Variants in USP32 observed in about 807,000 individuals in gnomAD.
USP32 encodes the protein ubiquitin carboxyl-terminal hydrolase 32.
USP32 carries 59 observed loss-of-function variants against 204.8 expected under a neutral mutation model. The ratio of observed to expected loss-of-function variants is 0.29; its 90% CI spans 0.23 to 0.36. USP32 has a LOEUF of 0.36. Ranked by LOEUF, USP32 falls within the 10% of genes least tolerant of loss-of-function variation. USP32 has a pLI of 1.00. For synonymous variants in USP32, 517 were observed against 678.4 expected (o/e 0.76, Z 3.70); for missense variants, 1,160 against 1,946.4 (o/e 0.60, Z 7.60).
intron 1 of USP32, chr17:60,421,638 C>T (rs990830962): frequency 6.2e-6 from 6 of 964,630 alleles, no homozygotes; most frequent in Admixed American, 6.2e-5. Flanking sequence ...GTGTGCCGCC[C>T]AGGGACGCGA....
At chr17:60,345,394 T>C (rs932694620) in intron 2 of USP32, 87 bp downstream of exon 2, 3 of 1,533,380 alleles carry the variant, frequency 2.0e-6, no homozygotes, top group Admixed American at 2.2e-5. Flanking sequence ...TAAGATTAAA[T>C]CTGTTAAGAG....
chr17:60,220,828 T>C (rs1256868962), intron 15 of USP32, among the ~76,000 whole-genome samples: 2 of 152,070 alleles, frequency 1.3e-5, no homozygotes, highest in Admixed American at 6.5e-5. Flanking sequence ...TTTGTATTTT[T>C]AGTAGAGACA....
At chr17:60,354,448 T>C (rs1263590348) in intron 1 of USP32, among the ~76,000 whole-genome samples, 10 of 152,106 alleles carry the variant, frequency 6.6e-5, no homozygotes, top group Non-Finnish European at 1.5e-4. Context: ...TTGGGAAATA[T>C]GCCTTTCACT....
At chr17:60,359,605 G>A (rs539426196) in intron 1 of USP32, among the ~76,000 whole-genome samples, 9 of 152,084 alleles carry the variant, frequency 5.9e-5, no homozygotes, top group Admixed American at 3.9e-4. Context: ...GAGCCCAGGA[G>A]TTTGAGACCA....
chr17:60,295,491 C>T (rs555755198), intron 3 of USP32, among the ~76,000 whole-genome samples: 33 of 152,248 alleles, frequency 2.2e-4, no homozygotes, highest in Non-Finnish European at 4.4e-4. Context: ...TGGAAATTTC[C>T]AGAAATGAAC....
At chr17:60,350,708 C>A (rs1197703183) in intron 1 of USP32, among the ~76,000 whole-genome samples, 1 of 152,178 alleles carries the variant, frequency 6.6e-6, no homozygotes, top group Non-Finnish European at 1.5e-5. Flanking sequence ...CTCCCTCTAT[C>A]CCTCTCTCAG....
At chr17:60,406,156 CAAA>C (rs35763642) in intron 1 of USP32, among the ~76,000 whole-genome samples, 27 of 45,234 alleles carry the variant, frequency 6.0e-4, no homozygotes, top group African/African-American at 1.6e-3. Context: ...GACCTTGTCT[CAAA>C]AAAAAAAAAA....
At chr17:60,416,929 T>C (rs1374508148) in intron 1 of USP32, among the ~76,000 whole-genome samples, 1 of 151,876 alleles carries the variant, frequency 6.6e-6, no homozygotes, top group East Asian at 1.9e-4. Flanking sequence ...CCTTTTTTTT[T>C]TTTTTTGAGA....
chr17:60,392,453 T>G (rs1254845977), upstream of USP32: 1 of 223,568 alleles, frequency 4.5e-6, no homozygotes, highest in Non-Finnish European at 9.4e-6. Context: ...CGACGGGGGG[T>G]GGTGACTTCC....
chr17:60,275,498 T>C (rs939181371), intron 5 of USP32, among the ~76,000 whole-genome samples: 2 of 152,078 alleles, frequency 1.3e-5, no homozygotes, highest in Admixed American at 1.3e-4. Context: ...TGAGCTGTTT[T>C]ATACATACAT....
intron 7 of USP32, among the ~76,000 whole-genome samples, chr17:60,268,091 G>A (rs980322210): frequency 1.3e-5 from 2 of 152,242 alleles, no homozygotes; most frequent in South Asian, 2.1e-4. Flanking sequence ...GATTACAGGC[G>A]TGAGCAACCA....
At chr17:60,205,406 A>G (rs776918226) in intron 26 of USP32, 41 bp downstream of exon 26, 2 of 1,597,540 alleles carry the variant, frequency 1.3e-6, no homozygotes, top group East Asian at 4.5e-5. Flanking sequence ...CACAAATGAC[A>G]CTAGCAAGAC....
intron 1 of USP32, among the ~76,000 whole-genome samples, chr17:60,410,819 G>C (rs575220350): frequency 1.2e-3 from 182 of 151,886 alleles, no homozygotes; most frequent in African/African-American, 3.4e-3. Context: ...GGTGGCTCAC[G>C]CCTATAATCT....
intron 11 of USP32, among the ~76,000 whole-genome samples, chr17:60,242,303 CA>C (rs1192157276): frequency 6.6e-6 from 1 of 151,954 alleles, no homozygotes; most frequent in Non-Finnish European, 1.5e-5. Flanking sequence ...CCTCCTGGAC[CA>C]TTTTTTTTTC....
intron 7 of USP32, among the ~76,000 whole-genome samples, chr17:60,266,532 A>G (rs1227028719): frequency 6.6e-6 from 1 of 152,138 alleles, no homozygotes; most frequent in Admixed American, 6.6e-5. Flanking sequence ...TCTGTCGCCC[A>G]GGCTAGAGTG....
chr17:60,403,267 C>T (rs1028590186), intron 1 of USP32, among the ~76,000 whole-genome samples: 16 of 152,190 alleles, frequency 1.1e-4, no homozygotes, highest in Admixed American at 4.6e-4. Flanking sequence ...CTGCCGGCCT[C>T]GGCCTCCCAA....
chr17:60,360,714 C>G (rs1170771734), intron 1 of USP32, among the ~76,000 whole-genome samples: 1 of 151,932 alleles, frequency 6.6e-6, no homozygotes, highest in African/African-American at 2.4e-5. Context: ...ATACAAAATA[C>G]ATGCAGAAGT....
chr17:60,353,377 G>C (rs1447267052), intron 1 of USP32, among the ~76,000 whole-genome samples: 1 of 152,146 alleles, frequency 6.6e-6, no homozygotes, highest in Admixed American at 6.5e-5. Flanking sequence ...TTGGTATTTT[G>C]TGATGGTAGC....
At chr17:60,386,245 A>C (rs940924570) in intron 1 of USP32, among the ~76,000 whole-genome samples, 4 of 152,184 alleles carry the variant, frequency 2.6e-5, no homozygotes, top group Non-Finnish European at 5.9e-5. Flanking sequence ...CAAAAGCAGA[A>C]GCATAAACAA....
Sources: gnomAD v4.1 joint callset for allele counts (sites outside exome capture counted in the v4.1 genomes callset) on GRCh38, gnomAD v4.1.1 for gene constraint, MANE v1.5 for transcripts, NCBI Gene and HGNC (gene_info 2026-07-23, HGNC 2026-07-21) for gene names.